CCDC178: variants seen among roughly 807,000 people sequenced by gnomAD.
The protein encoded by CCDC178 is coiled-coil domain containing 178.
In CCDC178, 126 loss-of-function variants were observed where a neutral mutation model predicts 117.4. The observed-to-expected ratio is 1.07, with a 90% confidence interval of 0.93 to 1.24. The LOEUF (loss-of-function observed/expected upper bound fraction) is 1.24, where lower values mean the gene tolerates loss of function less well. Among genes scored for constraint, CCDC178 ranks in the 50% most tolerant of loss-of-function variants. The probability of loss-of-function intolerance (pLI) is 0.00; values close to 1 mark genes in which losing one functional copy is unlikely to be tolerated. For synonymous variants in CCDC178, 283 were observed against 313.4 expected (o/e 0.90, Z 1.02); for missense variants, 1,030 against 986.9 (o/e 1.04, Z -0.59).
intron 21 of CCDC178, among the ~76,000 whole-genome samples, chr18:33,064,615 G>A (rs1350123971): frequency 1.5e-4 from 23 of 152,142 alleles, no homozygotes; most frequent in Non-Finnish European, 2.1e-4. Flanking sequence ...CACTGTTAGA[G>A]CAATTGTAAG....
rs137934138 is a variant in CCDC178 at position 33,276,793 on chromosome 18, T to C, written c.1177-9496A>G. 3.0e-3 allele frequency among the ~76,000 whole-genome samples: 455 copies of C among 152,200 alleles called. 3 individuals are homozygous for C. Among genetic ancestry groups the C allele is most frequent in the Admixed American group, 5.0e-3 (76 of 15,264 alleles). ...GGTCAAGTAAGATTTATTCCAACAA[T>C]TCAAGGTTCAAATTAGAAAATCCAT... On this transcript the variant is annotated intron_variant, in intron 12 of 22. Transcript: ENST00000383096.
intron 20 of CCDC178, among the ~76,000 whole-genome samples, chr18:33,160,433 T>C (rs2058448884): frequency 1.3e-5 from 2 of 152,114 alleles, no homozygotes; most frequent in African/African-American, 4.8e-5. Context: ...ACAAGTATTA[T>C]TTATTTTATC....
intron 8 of CCDC178, among the ~76,000 whole-genome samples, chr18:33,346,630 T>G (rs1301776821): frequency 1.3e-5 from 2 of 152,080 alleles, no homozygotes. Context: ...ATAAAATAAT[T>G]ACAATAGCTA....
chr18:33,403,797 G>A (rs1414199117), intron 3 of CCDC178, among the ~76,000 whole-genome samples: 1 of 152,152 alleles, frequency 6.6e-6, no homozygotes, highest in East Asian at 1.9e-4. Context: ...TGGAGGCTGA[G>A]TGTGGACTAG....
intron 19 of CCDC178, among the ~76,000 whole-genome samples, chr18:33,214,568 T>C (rs1385375576): frequency 6.6e-6 from 1 of 152,054 alleles, no homozygotes; most frequent in African/African-American, 2.4e-5. Flanking sequence ...TACATTTATA[T>C]TTATATCTTT....
intron 11 of CCDC178, among the ~76,000 whole-genome samples, chr18:33,294,638 A>G (rs996584353): frequency 2.0e-5 from 3 of 152,212 alleles, no homozygotes; most frequent in Non-Finnish European, 2.9e-5. Context: ...TTACATTTCC[A>G]TGTCTGCAGA....
intron 10 of CCDC178, among the ~76,000 whole-genome samples, chr18:33,329,800 C>T (rs2062638034): frequency 6.6e-6 from 1 of 151,648 alleles, no homozygotes; most frequent in South Asian, 2.1e-4. Flanking sequence ...GTAATGCTGA[C>T]ATAGATGAAT....
intron 9 of CCDC178, among the ~76,000 whole-genome samples, chr18:33,335,587 C>A (rs1329520802): frequency 2.0e-5 from 3 of 151,906 alleles, no homozygotes; most frequent in Non-Finnish European, 4.4e-5. Flanking sequence ...GCAATTTCTT[C>A]AAGTTTTACA....
At chr18:32,971,440 T>C (rs2054923787) in intron 22 of CCDC178, among the ~76,000 whole-genome samples, 1 of 152,190 alleles carries the variant, frequency 6.6e-6, no homozygotes, top group African/African-American at 2.4e-5. Context: ...CCATTTGGGC[T>C]GGTTCCAAGT....
At chr18:33,179,148 ATATATATATAAAC>A (rs2058704877) in intron 20 of CCDC178, among the ~76,000 whole-genome samples, 6 of 97,996 alleles carry the variant, frequency 6.1e-5, no homozygotes, top group South Asian at 5.1e-4. Context: ...TATATAAACT[ATATATATATAAAC>A]TATATATATA....
At chr18:33,324,480 A>G (rs2062559148) in intron 10 of CCDC178, among the ~76,000 whole-genome samples, 1 of 151,974 alleles carries the variant, frequency 6.6e-6, no homozygotes, top group South Asian at 2.1e-4. Context: ...AAGAATTTTG[A>G]TTAATATTGG....
chr18:33,006,487 C>T (rs561139970), intron 21 of CCDC178, among the ~76,000 whole-genome samples: 3 of 152,112 alleles, frequency 2.0e-5, no homozygotes, highest in African/African-American at 4.8e-5. Context: ...TTAGCAAGTG[C>T]TTTTTATAAA....
At chr18:33,091,359 C>T (rs561336781) in intron 21 of CCDC178, among the ~76,000 whole-genome samples, 19 of 9,466 alleles carry the variant, frequency 2.0e-3, no homozygotes, top group African/African-American at 2.5e-3. Flanking sequence ...TTTTTTGAGA[C>T]GGAGTCTCAC....
In CCDC178 at chr18:33,274,774, A is replaced by G. The variant is rs115444056; in HGVS notation, c.1177-7477T>C. On this transcript the variant is annotated intron_variant, in intron 12 of 22. Coordinates refer to ENST00000383096, the MANE Select transcript of CCDC178 (RefSeq NM_001105528.4). ...AATATACATGAAAATTCAGTGCCTAAGGGTCAAAATTAATGATTTGCACCA... is the reference window on the plus strand; with the variant it reads ...AATATACATGAAAATTCAGTGCCTAGGGGTCAAAATTAATGATTTGCACCA... Among the ~76,000 whole-genome samples the G allele has an allele frequency of 4.7e-3, 710 of 152,154 alleles. 4 individuals are homozygous for G. The highest frequency in any genetic ancestry group is 0.016 in the African/African-American group (678 of 41,528).
intron 20 of CCDC178, among the ~76,000 whole-genome samples, chr18:33,142,353 T>C (rs775702751): frequency 1.3e-5 from 2 of 152,178 alleles, no homozygotes; most frequent in Non-Finnish European, 2.9e-5. Context: ...CTCCATGGCA[T>C]TAGAAAGTGC....
intron 20 of CCDC178, among the ~76,000 whole-genome samples, chr18:33,106,999 A>T (rs1210477560): frequency 2.0e-5 from 3 of 151,662 alleles, no homozygotes; most frequent in Non-Finnish European, 4.4e-5. Context: ...TTCTGTGAAC[A>T]ATCTGAGCAA....
chr18:33,333,179 T>C lies in CCDC178; in HGVS notation c.874A>G (p.Met292Val). The change falls in exon 10 of 23, where the codon ATG becomes GTG. Residue 292 changes from methionine (M) to valine (V), a missense_variant. Met to Val is a conservative substitution (Grantham distance 21). Transcript: ENST00000383096. ...TCATGCATTCGTTTATTTACCTCCA[T>C]TTTTTTTTTATAATGGTTCTTCAGA... ...QDLKNHYKKK[M>V]EVMDLHRKVN... 1 of 1,303,182 alleles carries C rather than the reference T, an allele frequency of 7.7e-7. No homozygotes were observed. Among genetic ancestry groups the C allele is most frequent in the Non-Finnish European group, 1.1e-6 (1 of 947,752 alleles). 80.7% of individuals were successfully genotyped at this position (1,303,182 alleles called of 1,614,324 possible). A position where few individuals can be genotyped will look rare whatever the true frequency, so the allele number is the denominator to read the frequency against.
chr18:33,076,781 A>G (rs2057215492), intron 21 of CCDC178, among the ~76,000 whole-genome samples: 1 of 152,124 alleles, frequency 6.6e-6, no homozygotes, highest in Non-Finnish European at 1.5e-5. Flanking sequence ...TCAAATTTCC[A>G]CAGCAAGCTT....
chr18:32,948,280 A>C (rs1411138839), intron 22 of CCDC178, among the ~76,000 whole-genome samples: 1 of 152,134 alleles, frequency 6.6e-6, no homozygotes, highest in East Asian at 1.9e-4. Flanking sequence ...TCTTTAGATC[A>C]ATTTGGGTAA....
Sources: allele counts gnomAD v4.1 joint callset (sites outside exome capture counted in the v4.1 genomes callset), GRCh38; gene constraint gnomAD v4.1.1; transcripts MANE v1.5; gene names NCBI Gene and HGNC (gene_info 2026-07-23, HGNC 2026-07-21).